The following ABCB1 variants were observed in gnomAD, a reference collection of about 807,000 sequenced individuals.
ABCB1 encodes ATP binding cassette subfamily B member 1, also known as ATP-dependent translocase ABCB1.
A neutral mutation model predicts 142.0 loss-of-function variants in ABCB1; 69 were observed. The observed-to-expected ratio is 0.49, with a 90% CI of 0.40 to 0.59. The LOEUF (loss-of-function observed/expected upper bound fraction) is 0.59. Among genes scored for constraint, ABCB1 ranks in the 20% least tolerant of loss-of-function variants. ABCB1 has a pLI of 0.00. For missense variants in ABCB1, 1,326 were observed against 1,554.7 expected, an observed-to-expected ratio of 0.85 and a Z score of 2.47; for synonymous variants, 532 against 539.2, an observed-to-expected ratio of 0.99 and a Z score of 0.18.
At chr7:87,677,640 T>C (rs1826512566) in intron 1 of ABCB1, among the ~76,000 whole-genome samples, 3 of 152,042 alleles carry the variant, frequency 2.0e-5, no homozygotes, top group Admixed American at 2.0e-4. Context: ...TCTCAAGTGT[T>C]CTCACCATAC....
intron 1 of ABCB1, among the ~76,000 whole-genome samples, chr7:87,690,898 A>G (rs940969990): frequency 3.4e-4 from 51 of 152,124 alleles, no homozygotes; most frequent in African/African-American, 1.2e-3. Flanking sequence ...ATATAAAGGT[A>G]TCTACCTGCA....
rs201242226 is a variant in ABCB1 at position 87,600,207 on chromosome 7, G to A, written c.-6-17C>T. ...CATTCCGACCTGAAGAGAAACCGCA[G>A]CTCATTAGCCAAATGCATGAGCCTC... is the stretch of plus-strand genomic sequence containing the variant. On this transcript the variant is annotated splice_polypyrimidine_tract_variant and intron_variant, in intron 1 of 27. Coordinates refer to ENST00000622132, the MANE Select transcript of ABCB1 (RefSeq NM_001348946.2). The A allele has an allele frequency of 3.2e-5, 52 of 1,610,538 alleles. No individual in the cohort carries two copies. In the Admixed American group the frequency reaches 4.2e-4, roughly 13 times the overall value.
intron 1 of ABCB1, among the ~76,000 whole-genome samples, chr7:87,660,926 G>A (rs1345727598): frequency 6.6e-6 from 1 of 151,824 alleles, no homozygotes; most frequent in Non-Finnish European, 1.5e-5. Context: ...GGTTTGTATG[G>A]TAGATTTTGT....
chr7:87,523,504 C>A (rs1815628403), intron 21 of ABCB1, among the ~76,000 whole-genome samples: 1 of 152,084 alleles, frequency 6.6e-6, no homozygotes, highest in Non-Finnish European at 1.5e-5. Context: ...TGGCACATGC[C>A]TTAATCCCAT....
chr7:87,634,267 C>CA (rs1443650329), intron 1 of ABCB1, among the ~76,000 whole-genome samples: 2 of 152,120 alleles, frequency 1.3e-5, no homozygotes. Flanking sequence ...CAAATTTCAA[C>CA]ATGTCATTTG....
intron 8 of ABCB1, among the ~76,000 whole-genome samples, chr7:87,555,914 ATGT>A (rs1198748531): frequency 1.1e-4 from 16 of 152,202 alleles, no homozygotes; most frequent in Non-Finnish European, 1.9e-4. Flanking sequence ...AACCAGTCTG[ATGT>A]TGTCCTATGC....
intron 4 of ABCB1, 32 bp from the exon 5 acceptor site, chr7:87,570,255 T>TGTTTAGTCTTTA: frequency 6.3e-7 from 1 of 1,580,898 alleles, no homozygotes; most frequent in Non-Finnish European, 8.7e-7. Flanking sequence ...ATACCATTTA[T>TGTTTAGTCTTTA]GTCTCTTTAG....
At chr7:87,565,551 C>A in intron 7 of ABCB1, 1 of 412,308 alleles carries the variant, frequency 2.4e-6, no homozygotes. Context: ...TATTTTATAA[C>A]CAAAAATTTA....
chr7:87,554,927 A>C (rs1817245287), intron 8 of ABCB1, among the ~76,000 whole-genome samples: 1 of 152,106 alleles, frequency 6.6e-6, no homozygotes, highest in African/African-American at 2.4e-5. Flanking sequence ...TGAGCAAATG[A>C]AAAAAAATCG....
chr7:87,710,312 A>G (rs1829958302), intron 1 of ABCB1, among the ~76,000 whole-genome samples: 1 of 152,124 alleles, frequency 6.6e-6, no homozygotes, highest in Non-Finnish European at 1.5e-5. Context: ...AACCCAAGTA[A>G]CTCAGTATTA....
intron 26 of ABCB1, among the ~76,000 whole-genome samples, chr7:87,507,474 C>G (rs1444885070): frequency 6.6e-6 from 1 of 152,126 alleles, no homozygotes; most frequent in Non-Finnish European, 1.5e-5. Context: ...ATCCTCTCAT[C>G]AGTAAAGGGG....
At chr7:87,691,732 CCTTCTTT>C (rs1242186946) in intron 1 of ABCB1, among the ~76,000 whole-genome samples, 1 of 152,084 alleles carries the variant, frequency 6.6e-6, no homozygotes, top group Non-Finnish European at 1.5e-5. Flanking sequence ...TGTTTTTCCC[CCTTCTTT>C]CTGGGGTTGT....
intron 18 of ABCB1, 117 bp from the exon 19 acceptor site, chr7:87,539,462 G>T: frequency 9.7e-7 from 1 of 1,028,944 alleles, no homozygotes; most frequent in Non-Finnish European, 1.5e-6. Context: ...TGATTTCAAG[G>T]GCTTGCTATG....
chr7:87,665,577 C>T (rs1183045599), intron 1 of ABCB1, among the ~76,000 whole-genome samples: 1 of 152,024 alleles, frequency 6.6e-6, no homozygotes, highest in African/African-American at 2.4e-5. Flanking sequence ...GGTACATGTG[C>T]AGGTTTGTCA....
rs536363034 is a variant in ABCB1 at position 87,657,491 on chromosome 7, C to T, written c.-331+55670G>A. 2.6e-5 allele frequency among the ~76,000 whole-genome samples: 4 copies of T among 152,306 alleles called. No individual in the cohort carries two copies. In the East Asian group the frequency reaches 5.8e-4, roughly 22 times the overall value. ...CGCCCTCCTGAGGCTATAACAGTGT[C>T]CCAGTACCACCATTAGGGTTGTATC... is the stretch of plus-strand genomic sequence containing the variant. On this transcript the variant is annotated intron_variant, in intron 1 of 28. Coordinates refer to the ABCB1 transcript ENST00000265724.
intron 17 of ABCB1, among the ~76,000 whole-genome samples, chr7:87,542,749 A>G (rs1816597504): frequency 6.6e-6 from 1 of 151,912 alleles, no homozygotes. Context: ...TCAGCAAACT[A>G]TGGGCCACTG....
At chr7:87,525,012 T>G (rs574599059) in intron 21 of ABCB1, among the ~76,000 whole-genome samples, 1 of 151,660 alleles carries the variant, frequency 6.6e-6, no homozygotes. Context: ...CGAATAAAAG[T>G]GGGAGTTTGA....
chr7:87,511,841 C>T (rs1815024669), intron 25 of ABCB1, among the ~76,000 whole-genome samples: 1 of 152,178 alleles, frequency 6.6e-6, no homozygotes, highest in Admixed American at 6.5e-5. Context: ...CAAGCAGCTT[C>T]TAATTGTATC....
intron 1 of ABCB1, among the ~76,000 whole-genome samples, chr7:87,613,135 C>T (rs1184956153): frequency 6.7e-6 from 1 of 150,028 alleles, no homozygotes. Context: ...TGAGACTTTA[C>T]TAAACTTATT....
Sources: allele counts gnomAD v4.1 joint callset (sites outside exome capture counted in the v4.1 genomes callset), GRCh38; gene constraint gnomAD v4.1.1; transcripts MANE v1.5; gene names NCBI Gene and HGNC (gene_info 2026-07-23, HGNC 2026-07-21).